Variants in PDE1C observed in about 807,000 individuals in gnomAD.
PDE1C encodes dual specificity calcium/calmodulin-dependent 3',5'-cyclic nucleotide phosphodiesterase 1C.
PDE1C carries 62 observed loss-of-function variants against 93.1 expected under a neutral mutation model. The ratio of observed to expected loss-of-function variants is 0.67; its 90% CI spans 0.54 to 0.82. PDE1C has a LOEUF of 0.82. Ranked by LOEUF, PDE1C falls within the 40% of genes least tolerant of loss-of-function variation. PDE1C has a pLI of 0.00. For synonymous variants in PDE1C, 325 were observed against 310.1 expected (o/e 1.05, Z -0.50); for missense variants, 742 against 884.6 (o/e 0.84, Z 2.04).
intron 3 of PDE1C, among the ~76,000 whole-genome samples, chr7:32,102,422 G>A (rs571086671): frequency 6.6e-6 from 1 of 152,294 alleles, no homozygotes; most frequent in South Asian, 2.1e-4. Context: ...CATGCCCTTG[G>A]CAAGCTATTT....
At chr7:32,387,515 A>C (rs1174229775) in intron 1 of PDE1C, among the ~76,000 whole-genome samples, 28 of 100,402 alleles carry the variant, frequency 2.8e-4, no homozygotes, top group East Asian at 6.4e-4. Flanking sequence ...TGACCCCCCC[A>C]CCTCCCTCCC....
intron 3 of PDE1C, among the ~76,000 whole-genome samples, chr7:32,161,123 T>C (rs1184223947): frequency 6.6e-6 from 1 of 152,238 alleles, no homozygotes; most frequent in Non-Finnish European, 1.5e-5. Context: ...AACCCATTCA[T>C]TCAATCAACA....
chr7:31,826,888 T>C (rs1163419260), intron 12 of PDE1C, among the ~76,000 whole-genome samples: 3 of 152,144 alleles, frequency 2.0e-5, no homozygotes, highest in African/African-American at 7.2e-5. Context: ...ATCATCGCTA[T>C]CAAAACCACT....
chr7:31,660,946 G>A, the PDE1C span, among the ~76,000 whole-genome samples: 4 of 151,702 alleles, frequency 2.6e-5, no homozygotes, highest in African/African-American at 9.7e-5. Flanking sequence ...CCTATATATA[G>A]TGTTCCAATT....
intron 3 of PDE1C, among the ~76,000 whole-genome samples, chr7:32,120,113 C>A (rs1799213502): frequency 6.6e-6 from 1 of 152,232 alleles, no homozygotes; most frequent in African/African-American, 2.4e-5. Flanking sequence ...CACACACCAG[C>A]TGTGTTAGAC....
intron 2 of PDE1C, among the ~76,000 whole-genome samples, chr7:31,955,669 G>A (rs1584172457): frequency 6.6e-6 from 1 of 152,144 alleles, no homozygotes; most frequent in Admixed American, 6.5e-5. Context: ...AGTACCTAGA[G>A]AATATTGCCA....
intron 2 of PDE1C, among the ~76,000 whole-genome samples, chr7:31,926,579 C>T (rs1314126967): frequency 6.6e-6 from 1 of 152,174 alleles, no homozygotes; most frequent in Admixed American, 6.5e-5. Context: ...GCATTTCCAG[C>T]TGAGGTACCT....
the PDE1C span, among the ~76,000 whole-genome samples, chr7:31,724,415 G>C: frequency 6.6e-6 from 1 of 152,122 alleles, no homozygotes; most frequent in Admixed American, 6.5e-5. Flanking sequence ...TACAAGAAAA[G>C]TCTCAATGTG....
At chr7:31,973,100 T>C (rs959445237) in intron 2 of PDE1C, among the ~76,000 whole-genome samples, 2 of 152,002 alleles carry the variant, frequency 1.3e-5, no homozygotes, top group African/African-American at 4.8e-5. Context: ...ACTTAAAACT[T>C]CAATAACTGA....
intron 2 of PDE1C, among the ~76,000 whole-genome samples, chr7:31,989,738 G>T (rs955226991): frequency 6.6e-6 from 1 of 152,114 alleles, no homozygotes; most frequent in African/African-American, 2.4e-5. Context: ...CCCTGGCTAC[G>T]ATAACTGCGG....
At chr7:31,903,972 T>G (rs77451777) in intron 2 of PDE1C, among the ~76,000 whole-genome samples, 2,884 of 152,280 alleles carry the variant, frequency 0.019, 90 homozygotes, top group East Asian at 0.13. Context: ...TCTCATAAAC[T>G]TATTCTGACC....
chr7:31,843,705 G>A (rs891798000), intron 9 of PDE1C, among the ~76,000 whole-genome samples: 3 of 151,596 alleles, frequency 2.0e-5, no homozygotes, highest in Non-Finnish European at 3.0e-5. Context: ...AGTTGCATTT[G>A]GGTCTAGCAT....
At chr7:31,742,640 G>A in the PDE1C span, among the ~76,000 whole-genome samples, 3 of 152,184 alleles carry the variant, frequency 2.0e-5, no homozygotes, top group Non-Finnish European at 4.4e-5. Context: ...CATTCTCAAA[G>A]ATTAATTCAC....
chr7:31,775,772 TG>T (rs1231509150), intron 16 of PDE1C, 40 bp from the exon 17 acceptor site: 2 of 1,517,756 alleles, frequency 1.3e-6, no homozygotes, highest in East Asian at 4.5e-5. Context: ...AGTAGGATTG[TG>T]GAAAAACCTG....
the PDE1C span, chr7:31,643,705 C>T: frequency 6.2e-7 from 1 of 1,614,062 alleles, no homozygotes; most frequent in South Asian, 1.1e-5. Context: ...GCCCCAGCCC[C>T]TCACCAAATC....
chr7:31,655,431 C>G, the PDE1C span, among the ~76,000 whole-genome samples: 1 of 152,206 alleles, frequency 6.6e-6, no homozygotes, highest in African/African-American at 2.4e-5. Context: ...CACCTTCTCT[C>G]CAAACTGCAC....
chr7:32,254,526 G>A (rs1809642570), intron 1 of PDE1C, among the ~76,000 whole-genome samples: 1 of 152,156 alleles, frequency 6.6e-6, no homozygotes, highest in Non-Finnish European at 1.5e-5. Context: ...CTTCACTGAT[G>A]TCATCATATT....
At chr7:31,773,707 A>G (rs1317099019) in intron 17 of PDE1C, among the ~76,000 whole-genome samples, 2 of 152,084 alleles carry the variant, frequency 1.3e-5, no homozygotes, top group Non-Finnish European at 2.9e-5. Flanking sequence ...GTAGTCGTAA[A>G]CTAAATGGGA....
chr7:32,317,409 C>T lies in PDE1C; in HGVS notation c.311-107870G>A, dbSNP rs1783197706. Among the ~76,000 whole-genome samples, 4 of 152,082 alleles carry T rather than the reference C, an allele frequency of 2.6e-5. No homozygotes were observed. In the South Asian group the frequency reaches 8.3e-4, roughly 32 times the overall value. ...TATGAGGTCTAAATGGAGACCCGTC[C>T]TCTCAAAGGCTCAATCCACCTTTGC... On this transcript the variant is annotated intron_variant, in intron 1 of 1. Coordinates refer to the PDE1C transcript ENST00000672256.
Sources: allele counts gnomAD v4.1 joint callset (sites outside exome capture counted in the v4.1 genomes callset), GRCh38; gene constraint gnomAD v4.1.1; transcripts MANE v1.5; gene names NCBI Gene and HGNC (gene_info 2026-07-23, HGNC 2026-07-21).